ARHGEF11: variants seen among roughly 807,000 people sequenced by gnomAD.
ARHGEF11 encodes Rho guanine exchange factor (GEF) 11.
ARHGEF11 carries 55 observed loss-of-function variants against 193.7 expected under a neutral mutation model. That is an observed-to-expected ratio of 0.28 (90% CI 0.23 to 0.36). ARHGEF11 has a LOEUF of 0.36. ARHGEF11 is among the 10% of genes least tolerant of loss of function. The probability of loss-of-function intolerance (pLI) is 1.00; values close to 1 mark genes in which losing one functional copy is unlikely to be tolerated. For synonymous variants in ARHGEF11, 693 were observed against 768.0 expected, an observed-to-expected ratio of 0.90 and a Z score of 1.62; for missense variants, 1,723 against 2,005.6, an observed-to-expected ratio of 0.86 and a Z score of 2.69.
intron 37 of ARHGEF11, 51 bp downstream of exon 37, chr1:156,939,497 T>G: frequency 6.2e-7 from 1 of 1,600,836 alleles, no homozygotes. Context: ...AAGACTTATC[T>G]CACCTAGCAA....
chr1:157,001,477 T>TA (rs2102678854), intron 1 of ARHGEF11, among the ~76,000 whole-genome samples: 1 of 152,342 alleles, frequency 6.6e-6, no homozygotes, highest in African/African-American at 2.4e-5. Context: ...TCACATTGAC[T>TA]AATGGGCCTT....
intron 16 of ARHGEF11, 26 bp from the exon 17 acceptor site, chr1:156,958,890 A>G: frequency 6.2e-7 from 1 of 1,613,960 alleles, no homozygotes; most frequent in Non-Finnish European, 8.5e-7. Flanking sequence ...ACAGGGAAAG[A>G]AAGAAATATA....
chr1:157,002,127 A>G (rs1015972872), intron 1 of ARHGEF11, among the ~76,000 whole-genome samples: 1 of 152,192 alleles, frequency 6.6e-6, no homozygotes, highest in Non-Finnish European at 1.5e-5. Flanking sequence ...TCCAGGACCT[A>G]GACACATATA....
chr1:156,955,427 G>A lies in ARHGEF11; in HGVS notation c.1768+276C>T, dbSNP rs187469604. Among the ~76,000 whole-genome samples the A allele has an allele frequency of 7.9e-4, 120 of 152,316 alleles. No individual in the cohort carries two copies. The Middle Eastern group carries it at 0.017, about 22-fold the overall frequency. On this transcript the variant is annotated intron_variant, in intron 20 of 40. Transcript: ENST00000368194. ...GTCCACAGGGCGATCCTTGCCGAGG[G>A]GAAATGTTTCTCACGTGGTCGTTTG...
chr1:157,005,054 C>A (rs1026519552), intron 1 of ARHGEF11, among the ~76,000 whole-genome samples: 4 of 152,162 alleles, frequency 2.6e-5, no homozygotes, highest in African/African-American at 9.7e-5. Flanking sequence ...GAATGCCAGG[C>A]CTTGCCTTCG....
chr1:156,949,777 A>G (rs1658799812), intron 22 of ARHGEF11, among the ~76,000 whole-genome samples: 1 of 152,164 alleles, frequency 6.6e-6, no homozygotes, highest in Non-Finnish European at 1.5e-5. Flanking sequence ...GAAGTAAGTA[A>G]TGCTCCTCAC....
rs1657693521 is a variant in ARHGEF11, at chr1:156,944,363, G to T, written c.3062C>A (p.Thr1021Asn). The T allele has an allele frequency of 6.2e-7, 1 of 1,613,956 alleles. No individual in the cohort carries two copies. The highest frequency in any genetic ancestry group is 1.3e-5 in the African/African-American group (1 of 74,874). The change falls in exon 31 of 41, where the codon ACC becomes AAC. Residue 1021 changes from threonine (T) to asparagine (N), a missense_variant. Physicochemically the swap from Thr to Asn is moderately conservative, Grantham distance 65 (BLOSUM62 0). Transcript: ENST00000368194. ...CCCAGTCCCCTGGCACATACCCAAG[G>T]TCTTATCCTTGCTGATCCTCCAGGT... is the stretch of plus-strand genomic sequence containing the variant. ...PLTWRISKDK[T>N]LDLHVLLLED...
At chr1:156,987,498 T>C (rs1340842924) in intron 1 of ARHGEF11, among the ~76,000 whole-genome samples, 2 of 152,188 alleles carry the variant, frequency 1.3e-5, no homozygotes, top group Non-Finnish European at 2.9e-5. Flanking sequence ...TATCCAAAAA[T>C]ATCTAAAATA....
chr1:156,976,710 C>T (rs1212585834), intron 7 of ARHGEF11, among the ~76,000 whole-genome samples: 1 of 152,222 alleles, frequency 6.6e-6, no homozygotes, highest in Non-Finnish European at 1.5e-5. Context: ...TTGGAAATGT[C>T]CCAGATAAAC....
At chr1:156,947,563 T>A (rs1033033172) in intron 25 of ARHGEF11, 113 bp from the exon 26 acceptor site, 1 of 1,388,532 alleles carries the variant, frequency 7.2e-7, no homozygotes, top group African/African-American at 1.5e-5. Flanking sequence ...GGAACTGAAG[T>A]GCCAGTTTCA....
At chr1:157,045,799 C>T (rs548063327), upstream of ARHGEF11, among the ~76,000 whole-genome samples, 1 of 151,044 alleles carries the variant, frequency 6.6e-6, no homozygotes, top group Admixed American at 6.6e-5. Flanking sequence ...CGGTTCGCCG[C>T]TCGCTCGGGC....
chr1:156,944,147 A>G (rs927990835), intron 31 of ARHGEF11, 45 bp from the exon 32 acceptor site: 1 of 1,597,006 alleles, frequency 6.3e-7, no homozygotes, highest in South Asian at 1.1e-5. Context: ...GTGCCTACTC[A>G]TCCCTCATGA....
chr1:157,044,655 C>A lies in ARHGEF11; in HGVS notation c.-325G>T. The stretch of plus-strand genomic sequence containing the variant: ...CAGCCACGAATCTCTTCAAGGTTAG[C>A]ACTATGGCCAAAAAAAAATGAATCA... On this transcript the variant is annotated 5_prime_UTR_variant, in exon 1 of 41. Coordinates refer to ENST00000368194, the MANE Select transcript of ARHGEF11 (RefSeq NM_198236.3). 2.3e-6 allele frequency: 1 copy of A among 441,444 alleles called. No homozygotes were observed. The allele number at this position is 441,444 out of a possible 1,614,324, so 27.3% of individuals were successfully genotyped here. A position where few individuals can be genotyped will look rare whatever the true frequency, so the allele number is the denominator to read the frequency against.
Position 157,045,160 on chromosome 1 carries a change from C to A in ARHGEF11, c.-830G>T, listed in dbSNP as rs963660565. The A allele has an allele frequency of 6.6e-6, 1 of 152,136 alleles. No individual in the cohort carries two copies. The highest frequency in any genetic ancestry group is 1.5e-5 in the Non-Finnish European group (1 of 68,026). The allele number at this position is 152,136 out of a possible 1,614,324, so 9.4% of individuals were successfully genotyped here. A position where few individuals can be genotyped will look rare whatever the true frequency, so the allele number is the denominator to read the frequency against. On this transcript the variant is annotated 5_prime_UTR_variant, in exon 1 of 41. Coordinates refer to ENST00000368194, the MANE Select transcript of ARHGEF11 (RefSeq NM_198236.3). ...TTAAGATGGTAGTAATGATAACAAA[C>A]CAGAGATAATCTCTGAAAATATTCT...
intron 1 of ARHGEF11, among the ~76,000 whole-genome samples, chr1:157,006,483 C>CT (rs539276577): frequency 0.4 from 5,608 of 14,168 alleles, 350 homozygotes; most frequent in African/African-American, 0.4. Flanking sequence ...ACCAAAAGCA[C>CT]CTAATCATAG....
intron 1 of ARHGEF11, among the ~76,000 whole-genome samples, chr1:156,987,450 A>T (rs12141337): frequency 0.17 from 25,285 of 152,180 alleles, 2,162 homozygotes; most frequent in East Asian, 0.33. Flanking sequence ...GGAGAGAATA[A>T]AATTATGTGT....
intron 1 of ARHGEF11, among the ~76,000 whole-genome samples, chr1:157,017,706 CAAA>C (rs1047573559): frequency 0.012 from 494 of 41,458 alleles, 3 homozygotes; most frequent in African/African-American, 0.036. Flanking sequence ...GACTCCGTCT[CAAA>C]AAAAAAAAAA....
In ARHGEF11 at chr1:156,961,669, T is replaced by G; in HGVS notation, c.1239+8A>C. On this transcript the variant is annotated splice_region_variant and intron_variant, in intron 14 of 40. Transcript: ENST00000368194. ...ATAAAATTATAATCCAATCTATGACTGCCTTACCGCATTTTTCTCCAGGAA... is the reference window on the plus strand; with the variant it reads ...ATAAAATTATAATCCAATCTATGACGGCCTTACCGCATTTTTCTCCAGGAA... The G allele has an allele frequency of 6.2e-7, 1 of 1,612,566 alleles. No individual in the cohort carries two copies. Among genetic ancestry groups the G allele is most frequent in the South Asian group, 1.1e-5 (1 of 91,044 alleles).
chr1:156,976,342 C>A (rs548481664), intron 7 of ARHGEF11, among the ~76,000 whole-genome samples: 5 of 152,182 alleles, frequency 3.3e-5, no homozygotes, highest in Admixed American at 6.5e-5. Context: ...ATTAATTTTT[C>A]TCTTCTTTGT....
Sources: allele counts gnomAD v4.1 joint callset (sites outside exome capture counted in the v4.1 genomes callset), GRCh38; gene constraint gnomAD v4.1.1; transcripts MANE v1.5; gene names NCBI Gene and HGNC (gene_info 2026-07-23, HGNC 2026-07-21).